The following SETBP1 variants were observed in gnomAD, a reference collection of about 807,000 sequenced individuals.
SETBP1 encodes the protein SET binding protein 1, also known as SET-binding protein.
Under a neutral mutation model 101.0 loss-of-function variants are expected in SETBP1, and 9 were observed. The ratio of observed to expected loss-of-function variants is 0.09; its 90% confidence interval spans 0.05 to 0.16. The LOEUF is 0.16. Among genes scored for constraint, SETBP1 ranks in the 10% least tolerant of loss-of-function variants. SETBP1 has a pLI of 1.00. For missense variants in SETBP1, 1,858 were observed against 2,033.8 expected (o/e 0.91, Z 1.66); for synonymous variants, 818 against 788.5 (o/e 1.04, Z -0.63).
chr18:44,950,498 C>A lies in SETBP1; in HGVS notation c.1158C>A (p.Asn386Lys). The change falls in exon 4 of 6, where the codon AAC (asparagine) becomes AAA (lysine). Residue 386 changes from asparagine (N) to lysine (K), a missense_variant. Transcript: ENST00000649279. The stretch of plus-strand genomic sequence containing the variant: ...AAGAGGCATCACCAGCCAGGCAGAA[C>A]GTGAGTTCTGCCAGTAATCCTGAAA... ...SAQEASPARQ[N>K]VSSASNPEND... 1 of 1,614,110 alleles carries A rather than the reference C, an allele frequency of 6.2e-7. No individual in the cohort carries two copies. Among genetic ancestry groups the A allele is most frequent in the Non-Finnish European group, 8.5e-7 (1 of 1,180,028 alleles).
chr18:44,736,815 T>A (rs148349303), intron 2 of SETBP1, among the ~76,000 whole-genome samples: 66 of 152,370 alleles, frequency 4.3e-4, no homozygotes, highest in East Asian at 2.7e-3. Flanking sequence ...ACTTTGCAGT[T>A]CTTTGGAAAA....
chr18:44,840,217 T>C (rs1242634337), intron 2 of SETBP1, among the ~76,000 whole-genome samples: 2 of 152,214 alleles, frequency 1.3e-5, no homozygotes, highest in African/African-American at 4.8e-5. Flanking sequence ...ATAATTTCCA[T>C]CTTTAACAGA....
At chr18:45,004,324 T>G (rs2072680652) in intron 4 of SETBP1, among the ~76,000 whole-genome samples, 1 of 152,202 alleles carries the variant, frequency 6.6e-6, no homozygotes, top group Non-Finnish European at 1.5e-5. Flanking sequence ...CAAATTCATC[T>G]TTTTTACACC....
At chr18:44,941,213 C>A (rs890555454) in intron 3 of SETBP1, among the ~76,000 whole-genome samples, 3 of 151,064 alleles carry the variant, frequency 2.0e-5, no homozygotes, top group Non-Finnish European at 4.4e-5. Context: ...TCCAAAGTAG[C>A]TGGGATTACA....
At chr18:44,979,111 A>G (rs1388810163) in intron 4 of SETBP1, among the ~76,000 whole-genome samples, 1 of 152,160 alleles carries the variant, frequency 6.6e-6, no homozygotes, top group Admixed American at 6.5e-5. Context: ...GAGCCCAGGG[A>G]GGCTTTTCCT....
intron 2 of SETBP1, among the ~76,000 whole-genome samples, chr18:44,723,752 A>C (rs1268283584): frequency 6.6e-6 from 1 of 152,126 alleles, no homozygotes; most frequent in Non-Finnish European, 1.5e-5. Flanking sequence ...GCATTCAGAG[A>C]AGAGGGGCTG....
At chr18:44,886,421 T>C (rs2069649443) in intron 3 of SETBP1, among the ~76,000 whole-genome samples, 1 of 152,184 alleles carries the variant, frequency 6.6e-6, no homozygotes, top group Non-Finnish European at 1.5e-5. Context: ...ATCTTCACTT[T>C]GTCCAAGATG....
At chr18:44,826,287 C>A (rs533068191) in intron 2 of SETBP1, among the ~76,000 whole-genome samples, 2 of 152,060 alleles carry the variant, frequency 1.3e-5, no homozygotes, top group Non-Finnish European at 2.9e-5. Flanking sequence ...ACCCCTTTTT[C>A]GCCTCTCCTG....
chr18:44,938,608 T>C lies in SETBP1; in HGVS notation c.541-11273T>C, dbSNP rs2071014946. 2.0e-5 allele frequency among the ~76,000 whole-genome samples: 3 copies of C among 152,196 alleles called. 1 individual carries two copies. In the South Asian group the frequency reaches 6.2e-4, roughly 32 times the overall value. On this transcript the variant is annotated intron_variant, in intron 3 of 5. Coordinates refer to ENST00000649279, the MANE Select transcript of SETBP1 (RefSeq NM_015559.3). ...ATTTACAGAGGAGGCGGGGCAGTGT[T>C]AACTTTGATTTGTGAGCCAGGTTCT...
chr18:44,709,426 G>A (rs572120194), intron 2 of SETBP1, among the ~76,000 whole-genome samples: 8 of 152,294 alleles, frequency 5.3e-5, no homozygotes, highest in Non-Finnish European at 1.0e-4. Flanking sequence ...CAGGAACATG[G>A]TCTCTCTGCC....
intron 2 of SETBP1, among the ~76,000 whole-genome samples, chr18:44,805,414 GT>G (rs2071708306): frequency 6.8e-6 from 1 of 147,270 alleles, no homozygotes; most frequent in African/African-American, 2.7e-5. Context: ...AAGTGTGTGT[GT>G]GTGTGTGTGT....
intron 1 of SETBP1, among the ~76,000 whole-genome samples, chr18:44,687,478 G>A (rs2068857962): frequency 1.3e-5 from 2 of 152,182 alleles, no homozygotes; most frequent in South Asian, 4.1e-4. Flanking sequence ...GAATTGGGGG[G>A]AGCACTTATT....
rs563970030 is a variant in SETBP1 at position 44,915,200 on chromosome 18, C to G, written c.541-34681C>G. ...GAAACCTTTGCTCACTGCATTTCCC[C>G]TCACTTCATTATGCTCCAGGACACC... On this transcript the variant is annotated intron_variant, in intron 3 of 5. Transcript: ENST00000649279. Among the ~76,000 whole-genome samples the G allele has an allele frequency of 3.9e-5, 6 of 152,294 alleles. 1 individual carries two copies. The highest frequency in any genetic ancestry group is 1.2e-4 in the African/African-American group (5 of 41,566).
At chr18:44,747,716 A>G (rs180722078) in intron 2 of SETBP1, among the ~76,000 whole-genome samples, 2 of 152,366 alleles carry the variant, frequency 1.3e-5, no homozygotes, top group African/African-American at 4.8e-5. Context: ...GAGGTCAAAA[A>G]AATTCTCTGA....
rs1172751380 is a variant in SETBP1, at chr18:45,064,807, T to TTA, written c.*1109_*1110insTA. 1 of 114,838 alleles carries TTA rather than the reference T, an allele frequency of 8.7e-6. No individual in the cohort carries two copies. The highest frequency in any genetic ancestry group is 3.6e-5 in the African/African-American group (1 of 27,890). 7.1% of individuals were successfully genotyped at this position (114,838 alleles called of 1,614,324 possible). A position where few individuals can be genotyped will look rare whatever the true frequency, so the allele number is the denominator to read the frequency against. ...CATTCAAATAATTGTCATAGGTTGT[T>TTA]CAAAAAAAAAAAAAAAAAGGAAACA... On this transcript the variant is annotated 3_prime_UTR_variant, in exon 6 of 6. Transcript: ENST00000649279.
intron 2 of SETBP1, among the ~76,000 whole-genome samples, chr18:44,832,525 C>A (rs1042789518): frequency 1.3e-5 from 2 of 152,218 alleles, no homozygotes; most frequent in Non-Finnish European, 2.9e-5. Flanking sequence ...TCCTCCAAAT[C>A]CCAGGATGCA....
intron 2 of SETBP1, among the ~76,000 whole-genome samples, chr18:44,718,476 AAGAG>A (rs34880717): frequency 8.0e-5 from 12 of 150,242 alleles, no homozygotes; most frequent in East Asian, 3.9e-4. Context: ...CCTAGTAGCA[AAGAG>A]AGAGAGAGAG....
At chr18:44,737,485 T>C (rs2069995177) in intron 2 of SETBP1, among the ~76,000 whole-genome samples, 1 of 152,168 alleles carries the variant, frequency 6.6e-6, no homozygotes, top group South Asian at 2.1e-4. Flanking sequence ...TTACTTAATA[T>C]TGTACAAGCT....
chr18:44,896,486 C>T (rs2069905677), intron 3 of SETBP1, among the ~76,000 whole-genome samples: 1 of 152,126 alleles, frequency 6.6e-6, no homozygotes. Context: ...CTGACCCTCC[C>T]CACTCTACAT....
Sources: gnomAD v4.1 joint callset for allele counts (sites outside exome capture counted in the v4.1 genomes callset) on GRCh38, gnomAD v4.1.1 for gene constraint, MANE v1.5 for transcripts, NCBI Gene and HGNC (gene_info 2026-07-23, HGNC 2026-07-21) for gene names.